The following EDIL3 variants were observed in gnomAD, a reference collection of about 807,000 sequenced individuals.
The protein encoded by EDIL3 is EGF-like repeat and discoidin I-like domain-containing protein 3.
In EDIL3, 37 loss-of-function variants were observed where a neutral mutation model predicts 67.4. That is an observed-to-expected ratio of 0.55 (90% CI 0.42 to 0.72). EDIL3 has a LOEUF of 0.72. EDIL3 is among the 30% of genes least tolerant of loss of function. EDIL3 has a pLI of 0.00. For synonymous variants in EDIL3, 195 were observed against 196.3 expected, an observed-to-expected ratio of 0.99 and a Z score of 0.05; for missense variants, 527 against 586.3, an observed-to-expected ratio of 0.90 and a Z score of 1.04.
chr5:84,082,650 C>T (rs1025368348), intron 6 of EDIL3, among the ~76,000 whole-genome samples: 7 of 152,028 alleles, frequency 4.6e-5, no homozygotes, highest in African/African-American at 7.2e-5. Flanking sequence ...AAAATAAATA[C>T]ATTTTAGGAA....
intron 10 of EDIL3, among the ~76,000 whole-genome samples, chr5:83,945,088 T>C (rs543136131): frequency 6.6e-6 from 1 of 152,142 alleles, no homozygotes; most frequent in Non-Finnish European, 1.5e-5. Flanking sequence ...ATAGGAGCAA[T>C]AGACAAGACT....
rs543292550 is a variant in EDIL3 at position 84,157,429 on chromosome 5, T to A, written c.356-20075A>T. 2.6e-5 allele frequency among the ~76,000 whole-genome samples: 4 copies of A among 152,146 alleles called. No homozygotes were observed. In the South Asian group the frequency reaches 8.3e-4, roughly 32 times the overall value. ...ATAATATTTAAGCTAGTATAAAGAATCAATATAAAGAGGTTGGGGACCATG... is the reference window on the plus strand; with the variant it reads ...ATAATATTTAAGCTAGTATAAAGAAACAATATAAAGAGGTTGGGGACCATG... On this transcript the variant is annotated intron_variant, in intron 4 of 10. Coordinates refer to ENST00000296591, the MANE Select transcript of EDIL3 (RefSeq NM_005711.5).
At chr5:83,947,804 C>A (rs1016778247) in intron 10 of EDIL3, among the ~76,000 whole-genome samples, 22 of 151,858 alleles carry the variant, frequency 1.4e-4, no homozygotes, top group African/African-American at 5.3e-4. Context: ...CTTAGCTCAT[C>A]AAAAGAACTT....
intron 6 of EDIL3, among the ~76,000 whole-genome samples, chr5:84,079,289 C>A (rs963308845): frequency 1.3e-5 from 2 of 152,008 alleles, no homozygotes; most frequent in East Asian, 1.9e-4. Flanking sequence ...GGCATCCTAG[C>A]AAATTATTTG....
At chr5:84,262,507 A>G (rs974710517) in intron 1 of EDIL3, among the ~76,000 whole-genome samples, 36 of 152,250 alleles carry the variant, frequency 2.4e-4, no homozygotes, top group African/African-American at 8.7e-4. Context: ...ATCATAAATA[A>G]GGGCACTCAC....
At chr5:84,138,967 T>C (rs1748140514) in intron 4 of EDIL3, among the ~76,000 whole-genome samples, 1 of 152,116 alleles carries the variant, frequency 6.6e-6, no homozygotes. Context: ...CAGCCGGGCG[T>C]GGTGGCTCAC....
At chr5:84,019,230 T>C (rs1231885463) in intron 9 of EDIL3, among the ~76,000 whole-genome samples, 2 of 151,978 alleles carry the variant, frequency 1.3e-5, no homozygotes, top group Non-Finnish European at 2.9e-5. Flanking sequence ...AAATGATGAA[T>C]TCATATCCTT....
chr5:84,206,232 T>A (rs896920817), intron 3 of EDIL3, among the ~76,000 whole-genome samples: 3 of 152,130 alleles, frequency 2.0e-5, no homozygotes, highest in African/African-American at 7.2e-5. Flanking sequence ...TTTGAGTGAG[T>A]TTCTTAATCC....
chr5:84,053,302 C>T (rs1029680500), intron 9 of EDIL3, among the ~76,000 whole-genome samples: 1 of 152,128 alleles, frequency 6.6e-6, no homozygotes, highest in Non-Finnish European at 1.5e-5. Flanking sequence ...GGGACACATT[C>T]AAAGCAGTGG....
At chr5:83,962,104 A>G (rs1744615126) in intron 10 of EDIL3, among the ~76,000 whole-genome samples, 1 of 151,512 alleles carries the variant, frequency 6.6e-6, no homozygotes, top group Non-Finnish European at 1.5e-5. Context: ...TCACTTAAAC[A>G]GCCATTACAG....
At chr5:84,378,008 A>G (rs1365834072) in intron 1 of EDIL3, among the ~76,000 whole-genome samples, 4 of 152,244 alleles carry the variant, frequency 2.6e-5, no homozygotes, top group African/African-American at 9.6e-5. Flanking sequence ...CTAAAATATA[A>G]CCAAATAATT....
At chr5:84,240,647 A>G (rs1744777383) in intron 2 of EDIL3, among the ~76,000 whole-genome samples, 1 of 152,146 alleles carries the variant, frequency 6.6e-6, no homozygotes, top group African/African-American at 2.4e-5. Context: ...GAGGTGGAAC[A>G]GTTTCATCCT....
In EDIL3 at chr5:84,384,388, G is replaced by T. The variant is rs371486548; in HGVS notation, c.-14C>A. ...CGAGCGCTTCATGATCCCGTCTCCC[G>T]GACGTGACCCCGGCTGGTCAGGGGT... On this transcript the variant is annotated 5_prime_UTR_variant, in exon 1 of 11. Coordinates refer to ENST00000296591, the MANE Select transcript of EDIL3 (RefSeq NM_005711.5). The T allele has an allele frequency of 6.2e-7, 1 of 1,611,988 alleles. No individual in the cohort carries two copies. The highest frequency in any genetic ancestry group is 2.2e-5 in the East Asian group (1 of 44,670).
At chr5:84,350,752 C>A (rs191604983) in intron 1 of EDIL3, among the ~76,000 whole-genome samples, 5 of 152,136 alleles carry the variant, frequency 3.3e-5, no homozygotes, top group Non-Finnish European at 7.4e-5. Context: ...TCTAGCCCAG[C>A]ATTGTTCAAT....
At chr5:84,194,557 T>C (rs1743660368) in intron 3 of EDIL3, among the ~76,000 whole-genome samples, 1 of 151,948 alleles carries the variant, frequency 6.6e-6, no homozygotes, top group African/African-American at 2.4e-5. Flanking sequence ...GAAAATCCAC[T>C]TGAGAAATGT....
At chr5:84,358,813 T>C (rs942413048) in intron 1 of EDIL3, among the ~76,000 whole-genome samples, 6 of 152,036 alleles carry the variant, frequency 3.9e-5, no homozygotes, top group Non-Finnish European at 5.9e-5. Flanking sequence ...GGTTTCTCCA[T>C]GTTAGCCAGG....
chr5:84,045,985 G>T (rs1580297215), intron 9 of EDIL3, among the ~76,000 whole-genome samples: 1 of 152,274 alleles, frequency 6.6e-6, no homozygotes, highest in East Asian at 1.9e-4. Flanking sequence ...ATTGAGCCAG[G>T]TGAGCTTAAC....
chr5:84,271,547 T>G (rs1024368292), intron 1 of EDIL3, among the ~76,000 whole-genome samples: 1 of 152,108 alleles, frequency 6.6e-6, no homozygotes, highest in East Asian at 1.9e-4. Context: ...TTATGTGCCT[T>G]GGGTTGTCCC....
At chr5:83,972,126 C>T (rs753934424) in intron 9 of EDIL3, among the ~76,000 whole-genome samples, 1 of 152,110 alleles carries the variant, frequency 6.6e-6, no homozygotes, top group Admixed American at 6.6e-5. Flanking sequence ...GAAATATCTA[C>T]TGAATGAACA....
Sources: allele counts gnomAD v4.1 joint callset (sites outside exome capture counted in the v4.1 genomes callset), GRCh38; gene constraint gnomAD v4.1.1; transcripts MANE v1.5; gene names NCBI Gene and HGNC (gene_info 2026-07-23, HGNC 2026-07-21).